Variants in CCDC91 observed in about 807,000 individuals in gnomAD.
CCDC91 encodes coiled-coil domain-containing protein 91.
Under a neutral mutation model 63.2 loss-of-function variants are expected in CCDC91, and 48 were observed. That is an observed-to-expected ratio of 0.76 (90% CI 0.60 to 0.97). CCDC91 has a LOEUF of 0.97. Ranked by LOEUF, CCDC91 falls within the 50% of genes least tolerant of loss-of-function variation. CCDC91 has a pLI of 0.00. For synonymous variants in CCDC91, 167 were observed against 165.8 expected, an observed-to-expected ratio of 1.01 and a Z score of -0.06; for missense variants, 500 against 494.6, an observed-to-expected ratio of 1.01 and a Z score of -0.10.
chr12:28,289,048 T>C (rs1949065788), intron 3 of CCDC91, among the ~76,000 whole-genome samples: 1 of 152,196 alleles, frequency 6.6e-6, no homozygotes. Context: ...TTGTTTCTAA[T>C]TGTGTTTATT....
At chr12:28,493,961 G>A (rs549429672) in intron 12 of CCDC91, among the ~76,000 whole-genome samples, 32 of 151,682 alleles carry the variant, frequency 2.1e-4, no homozygotes, top group Non-Finnish European at 4.3e-4. Context: ...CAATTTAATA[G>A]GTTGGAGGAT....
Position 28,315,171 on chromosome 12 carries a change from A to ATT in CCDC91, c.576+7426_576+7427dup, listed in dbSNP as rs1441314583. ...GTCAGTTGTATATATATATATATAT[A>ATT]TTTTTGTTTTTGAGAAGGAGTTTCG... is the stretch of plus-strand genomic sequence containing the variant. On this transcript the variant is annotated intron_variant, in intron 6 of 12. Coordinates refer to ENST00000536442, the MANE Select transcript of CCDC91 (RefSeq NM_018318.5). Among the ~76,000 whole-genome samples, 120 of 150,794 alleles carry ATT rather than the reference A, an allele frequency of 8.0e-4. 1 individual carries two copies. Among genetic ancestry groups the ATT allele is most frequent in the Admixed American group, 1.9e-3 (28 of 15,056 alleles).
chr12:28,411,432 G>A lies in CCDC91; in HGVS notation c.762+20021G>A, dbSNP rs550247693. Among the ~76,000 whole-genome samples, 324 of 152,066 alleles carry A rather than the reference G, an allele frequency of 2.1e-3. 1 individual carries two copies. Among genetic ancestry groups the A allele is most frequent in the Non-Finnish European group, 3.0e-3 (202 of 67,966 alleles). On this transcript the variant is annotated intron_variant, in intron 8 of 12. Coordinates refer to ENST00000536442, the MANE Select transcript of CCDC91 (RefSeq NM_018318.5). ...CAAACACAAAAATGATCTTATAGAC[G>A]GTGTCAAGATTTAACAGATGATTTT...
chr12:28,539,879 T>A (rs1846744622), intron 12 of CCDC91, among the ~76,000 whole-genome samples: 1 of 152,136 alleles, frequency 6.6e-6, no homozygotes, highest in Admixed American at 6.6e-5. Context: ...TTCATCACTG[T>A]AAAATCCTGA....
At chr12:28,319,918 A>C (rs931916704) in intron 6 of CCDC91, among the ~76,000 whole-genome samples, 1 of 151,856 alleles carries the variant, frequency 6.6e-6, no homozygotes, top group Admixed American at 6.6e-5. Context: ...GTACCTACAG[A>C]TGCAGAGGGC....
At chr12:28,489,041 A>C (rs1951865593) in intron 12 of CCDC91, among the ~76,000 whole-genome samples, 1 of 152,002 alleles carries the variant, frequency 6.6e-6, no homozygotes, top group Non-Finnish European at 1.5e-5. Context: ...AGTTGAGTAA[A>C]GAGAGACCAT....
chr12:28,211,931 C>T (rs1186128941), intron 1 of CCDC91, among the ~76,000 whole-genome samples: 1 of 152,178 alleles, frequency 6.6e-6, no homozygotes, highest in Non-Finnish European at 1.5e-5. Flanking sequence ...TAACTGGTCC[C>T]TAGCCAGTTA....
At chr12:28,206,730 T>C (rs769163182) in intron 1 of CCDC91, among the ~76,000 whole-genome samples, 45 of 152,210 alleles carry the variant, frequency 3.0e-4, no homozygotes, top group Non-Finnish European at 5.3e-4. Context: ...CTTAATACTA[T>C]TTAGCATGAC....
At chr12:28,195,427 G>A (rs1941686935) in intron 1 of CCDC91, among the ~76,000 whole-genome samples, 1 of 151,408 alleles carries the variant, frequency 6.6e-6, no homozygotes, top group South Asian at 2.1e-4. Flanking sequence ...AAGTCCAGCC[G>A]GCTTCACCTC....
intron 1 of CCDC91, among the ~76,000 whole-genome samples, chr12:28,228,824 A>G (rs1944425407): frequency 6.6e-6 from 1 of 152,156 alleles, no homozygotes; most frequent in Non-Finnish European, 1.5e-5. Context: ...GATTGTCTCC[A>G]GACTTTTTGA....
intron 1 of CCDC91, among the ~76,000 whole-genome samples, chr12:28,248,905 A>C (rs1376200869): frequency 6.6e-6 from 1 of 152,234 alleles, no homozygotes; most frequent in African/African-American, 2.4e-5. Context: ...CTGAGAGCCC[A>C]GGTTGCTGGG....
chr12:28,204,262 A>G (rs1178068799), intron 1 of CCDC91, among the ~76,000 whole-genome samples: 1 of 152,184 alleles, frequency 6.6e-6, no homozygotes, highest in African/African-American at 2.4e-5. Context: ...ATATGAATAT[A>G]TGTGAGTTTT....
At chr12:28,285,962 A>AT (rs1488980246) in intron 3 of CCDC91, among the ~76,000 whole-genome samples, 1 of 152,002 alleles carries the variant, frequency 6.6e-6, no homozygotes, top group African/African-American at 2.4e-5. Context: ...TGTTCTGCTC[A>AT]TTTTTTAAAT....
chr12:28,355,394 T>C (rs1372003355), intron 6 of CCDC91, among the ~76,000 whole-genome samples: 1 of 152,160 alleles, frequency 6.6e-6, no homozygotes, highest in Non-Finnish European at 1.5e-5. Flanking sequence ...GATTTGGCCT[T>C]CATTCTTTGA....
intron 12 of CCDC91, among the ~76,000 whole-genome samples, chr12:28,525,980 G>A (rs547224190): frequency 6.6e-6 from 1 of 151,994 alleles, no homozygotes; most frequent in African/African-American, 2.4e-5. Flanking sequence ...AAGTTTGTGT[G>A]AGTCCATATG....
At chr12:28,217,268 A>G (rs185859647) in intron 1 of CCDC91, among the ~76,000 whole-genome samples, 47 of 152,308 alleles carry the variant, frequency 3.1e-4, no homozygotes, top group African/African-American at 1.1e-3. Flanking sequence ...ATGTAAACAC[A>G]CATATTTGAA....
intron 3 of CCDC91, among the ~76,000 whole-genome samples, chr12:28,305,044 A>G (rs1938556790): frequency 1.3e-5 from 2 of 152,130 alleles, no homozygotes; most frequent in African/African-American, 4.8e-5. Context: ...TTTTAGCATG[A>G]AAAACCTTTT....
chr12:28,457,873 G>A (rs1339164741), intron 11 of CCDC91, among the ~76,000 whole-genome samples: 2 of 151,976 alleles, frequency 1.3e-5, no homozygotes, highest in African/African-American at 4.8e-5. Context: ...TGACACCAAA[G>A]TAGGCAAAAA....
intron 8 of CCDC91, among the ~76,000 whole-genome samples, chr12:28,426,219 G>A (rs987098215): frequency 7.9e-5 from 12 of 151,998 alleles, no homozygotes; most frequent in African/African-American, 2.9e-4. Flanking sequence ...TGGATCTCTG[G>A]CTGTTTTCAA....
Sources: gnomAD v4.1 joint callset for allele counts (sites outside exome capture counted in the v4.1 genomes callset) on GRCh38, gnomAD v4.1.1 for gene constraint, MANE v1.5 for transcripts, NCBI Gene and HGNC (gene_info 2026-07-23, HGNC 2026-07-21) for gene names.